The following C1GALT1 variants were observed in gnomAD, a reference collection of about 807,000 sequenced individuals.
The protein encoded by C1GALT1 is core 1 synthase, glycoprotein-N-acetylgalactosamine 3-beta-galactosyltransferase 1.
A neutral mutation model predicts 31.0 loss-of-function variants in C1GALT1; 11 were observed. That is an observed-to-expected ratio of 0.36 (90% CI 0.22 to 0.59). The LOEUF (loss-of-function observed/expected upper bound fraction) is 0.59, where lower values mean the gene tolerates loss of function less well. Among genes scored for constraint, C1GALT1 ranks in the 20% least tolerant of loss-of-function variants. The pLI, the probability that C1GALT1 is intolerant of heterozygous loss-of-function variation, is 0.79. For missense variants in C1GALT1, 424 were observed against 425.2 expected (o/e 1.00, Z 0.03); for synonymous variants, 175 against 143.6 (o/e 1.22, Z -1.56).
chr7:7,206,113 T>C (rs1343988333), intron 1 of C1GALT1, among the ~76,000 whole-genome samples: 1 of 152,230 alleles, frequency 6.6e-6, no homozygotes, highest in African/African-American at 2.4e-5. Flanking sequence ...TATGCTTCTT[T>C]ACAATTCCAT....
At chr7:7,217,184 G>C (rs1782284320) in intron 1 of C1GALT1, among the ~76,000 whole-genome samples, 1 of 152,184 alleles carries the variant, frequency 6.6e-6, no homozygotes, top group Non-Finnish European at 1.5e-5. Context: ...AGGGTTCTTG[G>C]TACTCATGCT....
At chr7:7,203,161 T>C (rs1458892528) in intron 1 of C1GALT1, among the ~76,000 whole-genome samples, 2 of 151,464 alleles carry the variant, frequency 1.3e-5, no homozygotes, top group Non-Finnish European at 2.9e-5. Flanking sequence ...AGAAGATAAT[T>C]TTACTTTTTC....
intron 3 of C1GALT1, among the ~76,000 whole-genome samples, chr7:7,239,683 A>G (rs1424309470): frequency 6.6e-6 from 1 of 152,210 alleles, no homozygotes; most frequent in Non-Finnish European, 1.5e-5. Context: ...TCTAAAGTGC[A>G]TTATTTTAGG....
chr7:7,181,267 T>TGGAAGGATATTGCGGAAAGGTG (rs1562555765), upstream of C1GALT1, among the ~76,000 whole-genome samples: 1 of 151,120 alleles, frequency 6.6e-6, no homozygotes, highest in African/African-American at 2.4e-5. Flanking sequence ...TGCGGAAAGG[T>TGGAAGGATATTGCGGAAAGGTG]GGAGGGGGAG....
chr7:7,213,805 T>C (rs1327726160), intron 1 of C1GALT1, among the ~76,000 whole-genome samples: 2 of 152,242 alleles, frequency 1.3e-5, no homozygotes, highest in African/African-American at 4.8e-5. Flanking sequence ...ATAACCTTTT[T>C]ACTAAAGGGC....
chr7:7,211,840 C>T (rs1275272510), intron 1 of C1GALT1, among the ~76,000 whole-genome samples: 1 of 152,082 alleles, frequency 6.6e-6, no homozygotes, highest in Non-Finnish European at 1.5e-5. Context: ...CAGAAGATTA[C>T]CACTTGAGTC....
intron 1 of C1GALT1, among the ~76,000 whole-genome samples, chr7:7,189,018 G>A (rs548015321): frequency 1.3e-5 from 2 of 152,144 alleles, no homozygotes; most frequent in East Asian, 1.9e-4. Context: ...ATTTGTTTAG[G>A]TTTGTTCCTT....
At chr7:7,218,842 T>A (rs1489881226) in intron 1 of C1GALT1, among the ~76,000 whole-genome samples, 3 of 151,874 alleles carry the variant, frequency 2.0e-5, no homozygotes, top group Admixed American at 6.5e-5. Context: ...TTCTATTTTT[T>A]TTTTTTTTTG....
chr7:7,217,305 C>T (rs754794793), intron 1 of C1GALT1, among the ~76,000 whole-genome samples: 13 of 151,650 alleles, frequency 8.6e-5, no homozygotes, highest in Non-Finnish European at 1.5e-4. Flanking sequence ...CATACAGAGC[C>T]GGGGAGCTGA....
At chr7:7,184,046 GT>G (rs148406052) in intron 1 of C1GALT1, among the ~76,000 whole-genome samples, 3,520 of 152,214 alleles carry the variant, frequency 0.023, 119 homozygotes, top group African/African-American at 0.079. Flanking sequence ...TTTTTAGAAG[GT>G]ATTTAGATGA....
intron 1 of C1GALT1, among the ~76,000 whole-genome samples, chr7:7,219,065 C>G (rs535394291): frequency 2.6e-5 from 4 of 152,206 alleles, no homozygotes; most frequent in Admixed American, 6.5e-5. Flanking sequence ...TCTCGATCTC[C>G]TGACCTTCGT....
Position 7,245,468 on chromosome 7 carries a change from G to C in C1GALT1, c.*1741G>C, listed in dbSNP as rs1783805850. ...GCTGGGATTACGAGCGTGAGTCACA[G>C]CACCCGGCTAAGTAATTTCTATTTA... On this transcript the variant is annotated 3_prime_UTR_variant, in exon 4 of 4. Coordinates refer to ENST00000436587, the MANE Select transcript of C1GALT1 (RefSeq NM_020156.5). The C allele has an allele frequency of 6.6e-6, 1 of 152,238 alleles. No individual in the cohort carries two copies. The highest frequency in any genetic ancestry group is 6.5e-5 in the Admixed American group (1 of 15,286). 9.4% of individuals were successfully genotyped at this position (152,238 alleles called of 1,614,324 possible). A position where few individuals can be genotyped will look rare whatever the true frequency, so the allele number is the denominator to read the frequency against.
At chr7:7,204,356 C>A (rs974741063) in intron 1 of C1GALT1, among the ~76,000 whole-genome samples, 1 of 151,908 alleles carries the variant, frequency 6.6e-6, no homozygotes, top group African/African-American at 2.4e-5. Flanking sequence ...TGTTGACATT[C>A]GGTTGTTTAT....
rs561279782 is a variant in C1GALT1, at chr7:7,244,998, A to G, written c.*1271A>G. On this transcript the variant is annotated 3_prime_UTR_variant, in exon 4 of 4. Transcript: ENST00000436587. ...GTCAAGACTGTCATCAAAAACATTCACAAATGTTTCATTCTATTTTTAGTG... is the reference window on the plus strand; with the variant it reads ...GTCAAGACTGTCATCAAAAACATTCGCAAATGTTTCATTCTATTTTTAGTG... The G allele has an allele frequency of 3.9e-5, 6 of 152,352 alleles. No homozygotes were observed. In the East Asian group the frequency reaches 9.6e-4, roughly 24 times the overall value. The allele number at this position is 152,352 out of a possible 1,614,324, so 9.4% of individuals were successfully genotyped here.
chr7:7,197,060 G>C (rs1425926759), intron 1 of C1GALT1, among the ~76,000 whole-genome samples: 1 of 152,184 alleles, frequency 6.6e-6, no homozygotes, highest in Non-Finnish European at 1.5e-5. Context: ...GATCCCATTT[G>C]TCTATTTTGG....
chr7:7,201,835 C>G (rs1781544087), intron 1 of C1GALT1, among the ~76,000 whole-genome samples: 1 of 152,220 alleles, frequency 6.6e-6, no homozygotes, highest in African/African-American at 2.4e-5. Flanking sequence ...TCTGCACTGC[C>G]TGTTTGCCTC....
intron 1 of C1GALT1, among the ~76,000 whole-genome samples, chr7:7,183,806 CTTTT>C (rs1214048275): frequency 1.3e-5 from 2 of 151,988 alleles, no homozygotes; most frequent in Non-Finnish European, 2.9e-5. Context: ...CCTTTTAACG[CTTTT>C]TTAAGATAGA....
At chr7:7,224,121 T>G (rs770746861) in intron 1 of C1GALT1, among the ~76,000 whole-genome samples, 25 of 152,194 alleles carry the variant, frequency 1.6e-4, no homozygotes, top group Admixed American at 1.4e-3. Flanking sequence ...GTCATAATTC[T>G]TTTTACATAA....
chr7:7,184,751 A>T (rs1780737347), intron 1 of C1GALT1, among the ~76,000 whole-genome samples: 1 of 152,258 alleles, frequency 6.6e-6, no homozygotes. Context: ...AAATTCAGAT[A>T]GGCTTAAAAG....
Sources: gnomAD v4.1 joint callset for allele counts (sites outside exome capture counted in the v4.1 genomes callset) on GRCh38, gnomAD v4.1.1 for gene constraint, MANE v1.5 for transcripts, NCBI Gene and HGNC (gene_info 2026-07-23, HGNC 2026-07-21) for gene names.